Variants in USP48 observed in about 807,000 individuals in gnomAD.
The protein encoded by USP48 is ubiquitin specific peptidase 48, also known as ubiquitin carboxyl-terminal hydrolase 48.
A neutral mutation model predicts 150.7 loss-of-function variants in USP48; 43 were observed. The ratio of observed to expected loss-of-function variants is 0.29; its 90% CI spans 0.22 to 0.37. The LOEUF (loss-of-function observed/expected upper bound fraction) is 0.37. Ranked by LOEUF, USP48 falls within the 10% of genes least tolerant of loss-of-function variation. The pLI is 1.00. For synonymous variants in USP48, 396 were observed against 425.9 expected (o/e 0.93, Z 0.86); for missense variants, 813 against 1,249.6 (o/e 0.65, Z 5.27).
Position 21,706,484 on chromosome 1 carries a change from G to A in USP48, c.2194C>T (p.Leu732Phe). 1.2e-6 allele frequency: 2 copies of A among 1,614,144 alleles called. No individual in the cohort carries two copies. Among genetic ancestry groups the A allele is most frequent in the Non-Finnish European group, 1.7e-6 (2 of 1,180,014 alleles). ...CATTATACCTCTGGCCAGTTACTGA[G>A]ACACGGTCTGTTTTTATCCTGGAAC... is the stretch of plus-strand genomic sequence containing the variant. ...NLFQDKNRPC[L>F]SNWPEDTDVL... The change falls in exon 17 of 27, where the codon CTC (leucine) becomes TTC (phenylalanine). Residue 732 changes from leucine (L) to phenylalanine (F), a missense_variant. Transcript: ENST00000308271.
intron 1 of USP48, among the ~76,000 whole-genome samples, chr1:21,768,859 G>A (rs1294491543): frequency 6.6e-6 from 1 of 152,066 alleles, no homozygotes; most frequent in Non-Finnish European, 1.5e-5. Context: ...TGGTGCAGCA[G>A]TAAAATCATA....
intron 1 of USP48, among the ~76,000 whole-genome samples, chr1:21,766,372 T>C (rs1326888849): frequency 1.3e-5 from 2 of 151,808 alleles, no homozygotes; most frequent in Non-Finnish European, 2.9e-5. Flanking sequence ...AAAAAAACAA[T>C]GTTCCACAAG....
intron 10 of USP48, 49 bp downstream of exon 10, chr1:21,729,655 A>G (rs1208272929): frequency 1.3e-6 from 2 of 1,594,314 alleles, no homozygotes; most frequent in Non-Finnish European, 1.7e-6. Flanking sequence ...ATCTTTGAGT[A>G]TGGCATTCTA....
intron 1 of USP48, among the ~76,000 whole-genome samples, chr1:21,778,853 C>T (rs1203770754): frequency 2.6e-5 from 4 of 151,758 alleles, no homozygotes; most frequent in Non-Finnish European, 5.9e-5. Context: ...GGGTTCGTGC[C>T]ATTCTCCTGC....
chr1:21,694,937 T>A, intron 23 of USP48, 129 bp downstream of exon 23: 1 of 1,064,906 alleles, frequency 9.4e-7, no homozygotes, highest in South Asian at 2.7e-5. Flanking sequence ...GATTTTTGGC[T>A]ATTTTGAAAA....
intron 1 of USP48, among the ~76,000 whole-genome samples, chr1:21,770,481 CTTTTT>C (rs548583450): frequency 1.7e-5 from 2 of 115,842 alleles, no homozygotes; most frequent in Non-Finnish European, 3.6e-5. Context: ...AATCAAGTGT[CTTTTT>C]TTTTTTTTTT....
At position 21,752,633 on chromosome 1, in the gene USP48, T is replaced by C; in HGVS notation, c.559A>G (p.Lys187Glu). 1 of 1,596,648 alleles carries C rather than the reference T, an allele frequency of 6.3e-7. No individual in the cohort carries two copies. Among genetic ancestry groups the C allele is most frequent in the Non-Finnish European group, 8.5e-7 (1 of 1,175,852 alleles). ...GQQQDAQEFS[K>E]LFMSLLEDTL... is the part of the protein sequence containing the mutation. ...TCTTCCAATAGAGACATAAAGAGCTTTGAAAATTCTTGAGCATCCTACAAG... is the reference window on the plus strand; with the variant it reads ...TCTTCCAATAGAGACATAAAGAGCTCTGAAAATTCTTGAGCATCCTACAAG... The change falls in exon 5 of 27, where the codon AAG (lysine) becomes GAG (glutamate). Residue 187 changes from lysine to glutamate, a missense_variant. Coordinates refer to ENST00000308271, the MANE Select transcript of USP48 (RefSeq NM_032236.8).
chr1:21,722,149 A>G (rs1405286618), intron 12 of USP48, among the ~76,000 whole-genome samples: 2 of 152,138 alleles, frequency 1.3e-5, no homozygotes, highest in African/African-American at 4.8e-5. Flanking sequence ...AAGCACACTA[A>G]AAGGAAAAGC....
chr1:21,700,207 A>G (rs1208491743), intron 22 of USP48, among the ~76,000 whole-genome samples: 9 of 152,018 alleles, frequency 5.9e-5, no homozygotes, highest in African/African-American at 2.2e-4. Context: ...TTTGGTTAGC[A>G]CTGAAGCAAA....
Position 21,679,416 on chromosome 1 carries a change from A to G in USP48, c.*1T>C. 6.2e-7 allele frequency: 1 copy of G among 1,614,126 alleles called. No individual in the cohort carries two copies. The highest frequency in any genetic ancestry group is 1.1e-5 in the South Asian group (1 of 91,088). On this transcript the variant is annotated 3_prime_UTR_variant, in exon 27 of 27. Coordinates refer to ENST00000308271, the MANE Select transcript of USP48 (RefSeq NM_032236.8). ...CTTAGCAGTCAGCAAGTATTCAAAG[A>G]TTAATGTCCAAGAAGACCAGTACCT...
At chr1:21,688,989 T>G (rs372060352) in intron 24 of USP48, among the ~76,000 whole-genome samples, 1 of 152,086 alleles carries the variant, frequency 6.6e-6, no homozygotes, top group Non-Finnish European at 1.5e-5. Flanking sequence ...GTTTCCTAGC[T>G]TGGCTGGCTA....
Position 21,728,328 on chromosome 1 carries a change from C to A in USP48, c.1450+242G>T, listed in dbSNP as rs2097745490. ...CTACAATACTCATGGATGCAGAGTG[C>A]TGACCTAAATGTTATAATTTATTAA... On this transcript the variant is annotated intron_variant, in intron 11 of 26. Coordinates refer to ENST00000308271, the MANE Select transcript of USP48 (RefSeq NM_032236.8). The A allele has an allele frequency of 4.0e-6, 5 of 1,254,550 alleles. No individual in the cohort carries two copies. In the South Asian group the frequency reaches 1.5e-4, roughly 37 times the overall value. 77.7% of individuals were successfully genotyped at this position (1,254,550 alleles called of 1,614,324 possible).
chr1:21,700,751 C>T (rs114922908), intron 22 of USP48, among the ~76,000 whole-genome samples: 193 of 152,324 alleles, frequency 1.3e-3, no homozygotes, highest in African/African-American at 4.5e-3. Context: ...CCTACATCAA[C>T]CATATTCCCA....
chr1:21,770,161 CAA>C (rs34388606), intron 1 of USP48, among the ~76,000 whole-genome samples: 45 of 136,882 alleles, frequency 3.3e-4, no homozygotes, highest in Admixed American at 5.9e-4. Flanking sequence ...CGTCCTCCAC[CAA>C]AAAAAAAAAA....
chr1:21,705,370 T>A (rs2097669214), intron 19 of USP48, among the ~76,000 whole-genome samples: 1 of 152,150 alleles, frequency 6.6e-6, no homozygotes, highest in South Asian at 2.1e-4. Context: ...CCTTTAATTG[T>A]CTGAAGCCTG....
chr1:21,678,820 C>T lies in USP48; in HGVS notation c.*597G>A, dbSNP rs1204466866. ...CCTTTACCCAATACCAAGAGACAGA[C>T]GGCCGGGCAGGTGTAAGGCGGGTGG... On this transcript the variant is annotated 3_prime_UTR_variant, in exon 27 of 27. Transcript: ENST00000308271. The T allele has an allele frequency of 1.9e-5, 3 of 155,876 alleles. No individual in the cohort carries two copies. Among genetic ancestry groups the T allele is most frequent in the Admixed American group, 6.5e-5 (1 of 15,386 alleles). The allele number at this position is 155,876 out of a possible 1,614,324, so 9.7% of individuals were successfully genotyped here. A position where few individuals can be genotyped will look rare whatever the true frequency, so the allele number is the denominator to read the frequency against.
At chr1:21,726,089 C>A (rs1404174330) in intron 11 of USP48, among the ~76,000 whole-genome samples, 3 of 152,098 alleles carry the variant, frequency 2.0e-5, no homozygotes, top group Non-Finnish European at 4.4e-5. Context: ...CACTAGGCAT[C>A]CTAGTTTCCC....
chr1:21,761,032 T>C (rs760000332), intron 1 of USP48, among the ~76,000 whole-genome samples: 2 of 150,390 alleles, frequency 1.3e-5, no homozygotes, highest in Admixed American at 6.6e-5. Flanking sequence ...AGGGTGAAGG[T>C]TGTGGTGAGC....
chr1:21,705,584 G>C (rs528191053), intron 19 of USP48, 143 bp downstream of exon 19: 6 of 594,750 alleles, frequency 1.0e-5, no homozygotes, highest in Non-Finnish European at 8.4e-6. Flanking sequence ...TCTTTTAAAA[G>C]GGGAAAAAAA....
Sources: allele counts gnomAD v4.1 joint callset (sites outside exome capture counted in the v4.1 genomes callset), GRCh38; gene constraint gnomAD v4.1.1; transcripts MANE v1.5; gene names NCBI Gene and HGNC (gene_info 2026-07-23, HGNC 2026-07-21).